The following DPP10 variants were observed in gnomAD, a reference collection of about 807,000 sequenced individuals.
The protein encoded by DPP10 is inactive dipeptidyl peptidase 10.
A neutral mutation model predicts 120.9 loss-of-function variants in DPP10; 33 were observed. The ratio of observed to expected loss-of-function variants is 0.27; its 90% confidence interval spans 0.21 to 0.37. DPP10 has a LOEUF of 0.37. Ranked by LOEUF, DPP10 falls within the 10% of genes least tolerant of loss-of-function variation. The pLI, the probability that DPP10 is intolerant of heterozygous loss-of-function variation, is 1.00. For missense variants in DPP10, 816 were observed against 942.8 expected (o/e 0.87, Z 1.76); for synonymous variants, 337 against 326.1 (o/e 1.03, Z -0.36).
chr2:115,806,976 G>T (rs1397985663), intron 19 of DPP10, among the ~76,000 whole-genome samples: 1 of 152,122 alleles, frequency 6.6e-6, no homozygotes, highest in South Asian at 2.1e-4. Flanking sequence ...TGTCTTTGGT[G>T]TGTTTATAAA....
intron 7 of DPP10, among the ~76,000 whole-genome samples, chr2:115,704,702 G>A (rs887360807): frequency 2.0e-5 from 3 of 151,950 alleles, no homozygotes; most frequent in African/African-American, 7.2e-5. Context: ...TATACCATAA[G>A]CTATTGAATC....
At chr2:114,864,713 G>A (rs1386071686) in intron 1 of DPP10, among the ~76,000 whole-genome samples, 1 of 152,156 alleles carries the variant, frequency 6.6e-6, no homozygotes, top group East Asian at 1.9e-4. Context: ...AGATTCACTG[G>A]AGTTAAATTC....
chr2:114,635,992 C>CAT (rs113291221), intron 1 of DPP10, among the ~76,000 whole-genome samples: 16,920 of 151,718 alleles, frequency 0.11, 1,437 homozygotes, highest in African/African-American at 0.21. Flanking sequence ...GAAAGACACA[C>CAT]GTTTCAGAAT....
At chr2:114,706,980 A>G (rs1165729043) in intron 1 of DPP10, 1 of 152,180 alleles carries the variant, frequency 6.6e-6, no homozygotes. Flanking sequence ...GATGGATACC[A>G]TGGCCCTCCC....
chr2:114,773,264 T>C (rs319858), intron 1 of DPP10, among the ~76,000 whole-genome samples: 65,450 of 151,688 alleles, frequency 0.43, 14,481 homozygotes, highest in South Asian at 0.49. Context: ...AGGAGTGATA[T>C]GCTTTTTGTC....
At chr2:115,396,523 T>C (rs2067690853) in intron 3 of DPP10, among the ~76,000 whole-genome samples, 1 of 152,236 alleles carries the variant, frequency 6.6e-6, no homozygotes. Context: ...TAATCTGGCT[T>C]CCTCACCTTG....
intron 1 of DPP10, among the ~76,000 whole-genome samples, chr2:115,196,811 C>G (rs770225958): frequency 2.0e-4 from 30 of 152,206 alleles, no homozygotes; most frequent in South Asian, 1.0e-3. Context: ...GTGTGGTATG[C>G]AAGCTAACTG....
chr2:115,605,165 C>T (rs1261670038), intron 5 of DPP10, among the ~76,000 whole-genome samples: 1 of 151,970 alleles, frequency 6.6e-6, no homozygotes, highest in African/African-American at 2.4e-5. Flanking sequence ...TCTTTTTTGG[C>T]AAATAATGAT....
chr2:114,952,025 A>C (rs978400909), intron 1 of DPP10, among the ~76,000 whole-genome samples: 4 of 151,946 alleles, frequency 2.6e-5, no homozygotes, highest in African/African-American at 9.7e-5. Flanking sequence ...TATTTTATAA[A>C]TAGTAACTAA....
At chr2:115,380,782 C>T (rs914990515) in intron 3 of DPP10, among the ~76,000 whole-genome samples, 21 of 152,060 alleles carry the variant, frequency 1.4e-4, no homozygotes, top group African/African-American at 3.6e-4. Context: ...TGCTTGTCCG[C>T]AAAGTATTTT....
At chr2:114,825,396 T>C (rs1686438925) in intron 1 of DPP10, among the ~76,000 whole-genome samples, 1 of 152,232 alleles carries the variant, frequency 6.6e-6, no homozygotes, top group Admixed American at 6.5e-5. Context: ...CTATTTCTTT[T>C]ACCTTCATGT....
chr2:115,140,072 G>T (rs1012656633), intron 1 of DPP10, among the ~76,000 whole-genome samples: 1 of 152,182 alleles, frequency 6.6e-6, no homozygotes, highest in Non-Finnish European at 1.5e-5. Flanking sequence ...ATTACAAGAA[G>T]AGAAGAGAGA....
chr2:114,583,071 G>C lies in DPP10; in HGVS notation c.60+140233G>C, dbSNP rs1454795732. ...TGAGAACACTTGCTCTGCTTAGTAT[G>C]GATTACTAGTAGTACAGTTTGTTAG... On this transcript the variant is annotated intron_variant, in intron 1 of 25. Coordinates refer to ENST00000410059, the MANE Select transcript of DPP10 (RefSeq NM_020868.6). Among the ~76,000 whole-genome samples the C allele has an allele frequency of 2.0e-5, 3 of 152,126 alleles. No homozygotes were observed. In the East Asian group the frequency reaches 5.8e-4, roughly 29 times the overall value.
chr2:114,885,215 C>T lies in DPP10; in HGVS notation c.61-424024C>T, dbSNP rs566757215. Among the ~76,000 whole-genome samples the T allele has an allele frequency of 8.5e-5, 13 of 152,194 alleles. No homozygotes were observed. The South Asian group carries it at 2.3e-3, about 27-fold the overall frequency. On this transcript the variant is annotated intron_variant, in intron 1 of 25. Coordinates refer to ENST00000410059, the MANE Select transcript of DPP10 (RefSeq NM_020868.6). ...GGAGCCCTCAGAAATCTTACAATCA[C>T]GGCAGAAGCCAAAGGGGGAACAATC...
chr2:115,771,962 G>A (rs755893649), intron 13 of DPP10, among the ~76,000 whole-genome samples: 8 of 151,438 alleles, frequency 5.3e-5, no homozygotes, highest in Non-Finnish European at 8.8e-5. Flanking sequence ...TTTTCATTAT[G>A]GAGAGTGATG....
intron 1 of DPP10, among the ~76,000 whole-genome samples, chr2:114,596,643 G>A (rs1691930919): frequency 6.6e-6 from 1 of 152,024 alleles, no homozygotes; most frequent in Non-Finnish European, 1.5e-5. Context: ...CAGGAACTAT[G>A]CTATGCATTT....
At position 115,554,060 on chromosome 2, in the gene DPP10, C is replaced by G. The variant is rs185322118; in HGVS notation, c.441+28088C>G. ...ACACACACCAAATTAACACCTTTCT[C>G]CAGGCCCATAATCACTGAAAAACCC... On this transcript the variant is annotated intron_variant, in intron 5 of 25. Transcript: ENST00000410059. 3.3e-5 allele frequency among the ~76,000 whole-genome samples: 5 copies of G among 149,744 alleles called. No individual in the cohort carries two copies. In the East Asian group the frequency reaches 9.9e-4, roughly 30 times the overall value.
At chr2:114,682,662 G>A (rs1699102244) in intron 1 of DPP10, among the ~76,000 whole-genome samples, 1 of 151,482 alleles carries the variant, frequency 6.6e-6, no homozygotes, top group South Asian at 2.1e-4. Flanking sequence ...CAAAGTGAAA[G>A]CCTGGAAAAA....
chr2:114,765,699 C>T (rs991603830), intron 1 of DPP10, among the ~76,000 whole-genome samples: 1 of 152,106 alleles, frequency 6.6e-6, no homozygotes, highest in African/African-American at 2.4e-5. Context: ...AATATAATAT[C>T]GAACAATTTG....
Sources: allele counts gnomAD v4.1 joint callset (sites outside exome capture counted in the v4.1 genomes callset), GRCh38; gene constraint gnomAD v4.1.1; transcripts MANE v1.5; gene names NCBI Gene and HGNC (gene_info 2026-07-23, HGNC 2026-07-21).